The following C3orf20 variants were observed in gnomAD, a reference collection of about 807,000 sequenced individuals.
C3orf20 encodes family with sequence similarity 149 member C.
In C3orf20, 76 loss-of-function variants were observed where a neutral mutation model predicts 88.3. The observed-to-expected ratio is 0.86, with a 90% confidence interval of 0.72 to 1.04. The LOEUF (loss-of-function observed/expected upper bound fraction) is 1.04, where lower values mean the gene tolerates loss of function less well. Among genes scored for constraint, C3orf20 ranks in the 50% least tolerant of loss-of-function variants. The pLI is 0.00. For synonymous variants in C3orf20, 436 were observed against 437.4 expected (o/e 1.00, Z 0.04); for missense variants, 1,056 against 1,123.3 (o/e 0.94, Z 0.86).
chr3:14,690,268 C>A, intron 5 of C3orf20, 152 bp downstream of exon 5: 1 of 1,094,738 alleles, frequency 9.1e-7, no homozygotes, highest in Non-Finnish European at 1.3e-6. Context: ...GATCCAGCAG[C>A]TGTCCACACA....
intron 7 of C3orf20, among the ~76,000 whole-genome samples, chr3:14,711,736 A>G (rs2033747406): frequency 6.7e-6 from 1 of 150,060 alleles, no homozygotes; most frequent in Non-Finnish European, 1.5e-5. Context: ...CCTGGGCTCA[A>G]GCAATTCTCA....
In C3orf20 at chr3:14,682,826, C is replaced by T. The variant is rs766776977; in HGVS notation, c.113C>T (p.Ser38Phe). 1.5e-5 allele frequency: 24 copies of T among 1,614,112 alleles called. No individual in the cohort carries two copies. The highest frequency in any genetic ancestry group is 2.0e-5 in the Non-Finnish European group (24 of 1,180,052). The change falls in exon 3 of 17, where the codon TCT (serine) becomes TTT (phenylalanine). Residue 38 changes from serine (S) to phenylalanine (F), a missense_variant. Ser to Phe is a radical substitution (Grantham distance 155, BLOSUM62 -2). Coordinates refer to ENST00000253697, the MANE Select transcript of C3orf20 (RefSeq NM_032137.5). ...LLMICQNAGI[S>F]VPKGIRNIFE... ...ATGATCTGCCAGAATGCAGGCATTT[C>T]TGTACCAAAAGGCATCAGAAACATC...
At chr3:14,742,099 G>A (rs1441913634) in intron 12 of C3orf20, among the ~76,000 whole-genome samples, 1 of 152,204 alleles carries the variant, frequency 6.6e-6, no homozygotes, top group Non-Finnish European at 1.5e-5. Flanking sequence ...CTAGTTAGAA[G>A]ACTGTTTTAG....
chr3:14,732,158 T>C (rs911626486), intron 12 of C3orf20, among the ~76,000 whole-genome samples: 2 of 152,238 alleles, frequency 1.3e-5, no homozygotes. Context: ...TAGCACTTGA[T>C]ATTGTTGGGG....
intron 15 of C3orf20, among the ~76,000 whole-genome samples, chr3:14,769,859 G>A (rs1410467656): frequency 6.6e-6 from 1 of 152,176 alleles, no homozygotes; most frequent in Non-Finnish European, 1.5e-5. Context: ...GGAGGGGCTG[G>A]CTGTGAACTC....
intron 9 of C3orf20, 125 bp from the exon 10 acceptor site, chr3:14,721,528 C>T (rs989624452): frequency 3.4e-5 from 46 of 1,346,768 alleles, no homozygotes; most frequent in African/African-American, 4.4e-5. Context: ...AACATAAGAA[C>T]TGGAAAGCTC....
Position 14,704,450 on chromosome 3 carries a change from A to G in C3orf20, c.992A>G (p.Gln331Arg), listed in dbSNP as rs770577830. The G allele has an allele frequency of 4.3e-5, 70 of 1,614,052 alleles. No individual in the cohort carries two copies. The Admixed American group carries it at 1.2e-3, about 27-fold the overall frequency. The change falls in exon 7 of 17, where the codon CAG becomes CGG. Residue 331 changes from glutamine to arginine, a missense_variant. By Grantham distance (43) the Gln-to-Arg change is conservative (BLOSUM62 1). Transcript: ENST00000253697. ...ATGTTGGCCCGCAAAGGAGACTCTC[A>G]GACCCCGGGTTTACATTACCCTCCC... is the stretch of plus-strand genomic sequence containing the variant. ...HLMLARKGDS[Q>R]TPGLHYPPTA...
chr3:14,728,596 T>C lies in C3orf20; in HGVS notation c.1848T>C (p.Ile616=). 1 of 1,614,160 alleles carries C rather than the reference T, an allele frequency of 6.2e-7. No individual in the cohort carries two copies. The highest frequency in any genetic ancestry group is 8.5e-7 in the Non-Finnish European group (1 of 1,180,016). The change falls in exon 12 of 17, where the codon ATT becomes ATC. Residue 616 remains isoleucine, a synonymous_variant. Coordinates refer to ENST00000253697, the MANE Select transcript of C3orf20 (RefSeq NM_032137.5). ...AGTCAGGCCACCTGGAATCCTCAAT[T>C]GCAGAGACTTTGAAGGATGAGCCTG... ...RSQSGHLESS[I]AETLKDEPES...
rs116132912 is a variant in C3orf20, at chr3:14,721,963, A to G, written c.1566+179A>G. On this transcript the variant is annotated intron_variant, in intron 10 of 16. Transcript: ENST00000253697. ...GTACCACCTTCCTGTGAAACTTCTT[A>G]TATCAATTAAGGGTCTTCCAGTTGT... is the stretch of plus-strand genomic sequence containing the variant. 4.8e-5 allele frequency: 33 copies of G among 694,156 alleles called. No individual in the cohort carries two copies. In the African/African-American group the frequency reaches 5.0e-4, roughly 11 times the overall value. 43.0% of individuals were successfully genotyped at this position (694,156 alleles called of 1,614,324 possible). A position where few individuals can be genotyped will look rare whatever the true frequency, so the allele number is the denominator to read the frequency against.
At chr3:14,688,979 A>G (rs2032581920) in intron 4 of C3orf20, among the ~76,000 whole-genome samples, 2 of 151,904 alleles carry the variant, frequency 1.3e-5, no homozygotes, top group Non-Finnish European at 1.5e-5. Context: ...GCTTTTTGTT[A>G]TTTGTATAAT....
intron 15 of C3orf20, among the ~76,000 whole-genome samples, chr3:14,766,545 G>A (rs1000758023): frequency 2.6e-5 from 4 of 152,210 alleles, no homozygotes; most frequent in South Asian, 2.1e-4. Flanking sequence ...CCCTGCCTCC[G>A]TCATCACCCT....
At chr3:14,766,097 ACAG>A (rs1027448013) in intron 15 of C3orf20, among the ~76,000 whole-genome samples, 1 of 152,186 alleles carries the variant, frequency 6.6e-6, no homozygotes, top group Non-Finnish European at 1.5e-5. Context: ...AGCTTGGGAA[ACAG>A]CAGCCCAGCT....
intron 12 of C3orf20, among the ~76,000 whole-genome samples, chr3:14,731,503 A>T (rs926200684): frequency 1.3e-5 from 2 of 152,240 alleles, no homozygotes; most frequent in African/African-American, 4.8e-5. Context: ...AATCTGAAGG[A>T]CACAGGTGTG....
intron 5 of C3orf20, among the ~76,000 whole-genome samples, chr3:14,702,682 C>G (rs1436446294): frequency 6.6e-6 from 1 of 152,126 alleles, no homozygotes; most frequent in Non-Finnish European, 1.5e-5. Context: ...CTCAGGTGAT[C>G]TGCTTGCCTT....
intron 15 of C3orf20, among the ~76,000 whole-genome samples, chr3:14,770,163 C>T (rs1241399366): frequency 1.3e-5 from 2 of 152,192 alleles, no homozygotes; most frequent in East Asian, 1.9e-4. Flanking sequence ...GGCCCAGACA[C>T]TTCCACAGTC....
At chr3:14,760,636 G>T (rs1239986469) in intron 14 of C3orf20, among the ~76,000 whole-genome samples, 5 of 115,470 alleles carry the variant, frequency 4.3e-5, no homozygotes, top group East Asian at 2.8e-4. Context: ...TTGAGACAGA[G>T]TCTCACTCTC....
At chr3:14,742,248 C>T (rs191107542) in intron 12 of C3orf20, among the ~76,000 whole-genome samples, 10 of 152,248 alleles carry the variant, frequency 6.6e-5, no homozygotes, top group Admixed American at 2.6e-4. Context: ...TTTAAATTTA[C>T]GGAGGACTTT....
chr3:14,693,665 A>G (rs577678488), intron 5 of C3orf20, among the ~76,000 whole-genome samples: 17 of 152,078 alleles, frequency 1.1e-4, no homozygotes, highest in Non-Finnish European at 2.2e-4. Flanking sequence ...TTCCTTTCCA[A>G]TTTGGATGCC....
chr3:14,772,928 C>A lies in C3orf20; in HGVS notation c.*53C>A. 1.4e-6 allele frequency: 2 copies of A among 1,422,516 alleles called. No homozygotes were observed. The highest frequency in any genetic ancestry group is 1.4e-5 in the African/African-American group (1 of 71,328). 88.1% of individuals were successfully genotyped at this position (1,422,516 alleles called of 1,614,324 possible). A position where few individuals can be genotyped will look rare whatever the true frequency, so the allele number is the denominator to read the frequency against. ...CAGGCCCCGGCCCGGGGTGCTGGGG[C>A]TTCTTGCCAGCCCAGCCCTGCCTCC... On this transcript the variant is annotated 3_prime_UTR_variant, in exon 17 of 17. Transcript: ENST00000253697. The surrounding 1 kb of genome is among the most constrained non-coding windows in gnomAD (Gnocchi z 4.2).
Sources: allele counts gnomAD v4.1 joint callset (sites outside exome capture counted in the v4.1 genomes callset), GRCh38; gene constraint gnomAD v4.1.1; non-coding constraint Gnocchi (gnomAD v3.1); transcripts MANE v1.5; gene names NCBI Gene and HGNC (gene_info 2026-07-23, HGNC 2026-07-21).